ATXN7L1: variants seen among roughly 807,000 people sequenced by gnomAD.
ATXN7L1 encodes ataxin 7 like 1.
In ATXN7L1, 15 loss-of-function variants were observed where a neutral mutation model predicts 70.8. That is an observed-to-expected ratio of 0.21 (90% CI 0.14 to 0.33). ATXN7L1 has a LOEUF of 0.33. ATXN7L1 is among the 10% of genes least tolerant of loss of function. The pLI, the probability that ATXN7L1 is intolerant of heterozygous loss-of-function variation, is 1.00. For missense variants in ATXN7L1, 975 were observed against 1,097.1 expected (o/e 0.89, Z 1.57); for synonymous variants, 440 against 445.1 (o/e 0.99, Z 0.14).
intron 4 of ATXN7L1, among the ~76,000 whole-genome samples, chr7:105,647,397 C>T (rs1318323410): frequency 6.6e-6 from 1 of 152,194 alleles, no homozygotes; most frequent in African/African-American, 2.4e-5. Context: ...CCAGTAATCC[C>T]AGCACTTTGG....
intron 2 of ATXN7L1, among the ~76,000 whole-genome samples, chr7:105,851,143 A>G: frequency 6.6e-6 from 1 of 152,062 alleles, no homozygotes; most frequent in East Asian, 1.9e-4. Flanking sequence ...AGGCAATAAT[A>G]CCAGCTACCA....
chr7:105,617,900 C>T (rs994234425), intron 9 of ATXN7L1: 2 of 456,390 alleles, frequency 4.4e-6, no homozygotes, highest in Admixed American at 4.7e-5. Context: ...TTCCACGCCC[C>T]CATCGGCTGC....
chr7:105,694,566 A>G (rs1264114781), intron 3 of ATXN7L1, among the ~76,000 whole-genome samples: 1 of 152,212 alleles, frequency 6.6e-6, no homozygotes, highest in Non-Finnish European at 1.5e-5. Context: ...CACCCAGGAA[A>G]GCTTTCTGAT....
rs117129770 is a variant in ATXN7L1, at chr7:105,838,279, A to C, written c.250+37533T>G. Among the ~76,000 whole-genome samples, 795 of 152,266 alleles carry C rather than the reference A, an allele frequency of 5.2e-3. 20 individuals carry two copies. Among genetic ancestry groups the C allele is most frequent in the East Asian group, 0.032 (167 of 5,154 alleles). ...GAAAATCAGAAGGCTTCGGCTGAGC[A>C]TGCTGCCAGGAGCCGAAGACACTCG... On this transcript the variant is annotated intron_variant, in intron 2 of 11. Transcript: ENST00000419735.
intron 3 of ATXN7L1, among the ~76,000 whole-genome samples, chr7:105,711,516 T>C (rs1793911258): frequency 6.6e-6 from 1 of 152,158 alleles, no homozygotes; most frequent in Non-Finnish European, 1.5e-5. Flanking sequence ...ATGGGAGAAA[T>C]TGGCCAAAAC....
chr7:105,718,564 C>T (rs186755323), intron 3 of ATXN7L1, among the ~76,000 whole-genome samples: 38 of 152,262 alleles, frequency 2.5e-4, no homozygotes, highest in Non-Finnish European at 4.0e-4. Flanking sequence ...CACAGATAAC[C>T]CTGAAACCTC....
At chr7:105,633,934 G>A (rs984808113) in intron 7 of ATXN7L1, among the ~76,000 whole-genome samples, 1 of 152,146 alleles carries the variant, frequency 6.6e-6, no homozygotes, top group African/African-American at 2.4e-5. Flanking sequence ...GCTCGTGTGT[G>A]CACACACACC....
chr7:105,798,757 T>C (rs1253362951), intron 2 of ATXN7L1, among the ~76,000 whole-genome samples: 14 of 152,190 alleles, frequency 9.2e-5, no homozygotes, highest in Admixed American at 9.2e-4. Context: ...ATAGCTACCC[T>C]GAAGTATAAT....
chr7:105,770,967 C>T (rs1197257010), intron 3 of ATXN7L1, among the ~76,000 whole-genome samples: 6 of 151,840 alleles, frequency 4.0e-5, no homozygotes, highest in Non-Finnish European at 1.5e-5. Context: ...TTTGGGAGGC[C>T]GAGGCAGGCG....
chr7:105,825,704 T>C (rs1262999879), intron 2 of ATXN7L1, among the ~76,000 whole-genome samples: 1 of 152,048 alleles, frequency 6.6e-6, no homozygotes, highest in Non-Finnish European at 1.5e-5. Context: ...CACTTAGCCT[T>C]CATCTTTTAG....
intron 3 of ATXN7L1, among the ~76,000 whole-genome samples, chr7:105,738,548 T>C (rs989956661): frequency 6.6e-6 from 1 of 152,284 alleles, no homozygotes; most frequent in Non-Finnish European, 1.5e-5. Context: ...CTGATTTAAC[T>C]TGTAAAAGAA....
chr7:105,817,354 G>GT (rs1563117343), intron 2 of ATXN7L1, among the ~76,000 whole-genome samples: 2 of 152,104 alleles, frequency 1.3e-5, no homozygotes, highest in African/African-American at 4.8e-5. Flanking sequence ...TCTGTTGGTG[G>GT]TTTTTTCTTC....
intron 11 of ATXN7L1, among the ~76,000 whole-genome samples, chr7:105,610,067 G>T (rs1004092386): frequency 6.6e-6 from 1 of 152,174 alleles, no homozygotes; most frequent in Non-Finnish European, 1.5e-5. Flanking sequence ...CACCATGCCC[G>T]GCCGCAAGTC....
intron 2 of ATXN7L1, among the ~76,000 whole-genome samples, 175 bp downstream of exon 2, chr7:105,875,637 C>CCA (rs1324759578): frequency 1.9e-5 from 2 of 106,344 alleles, no homozygotes; most frequent in African/African-American, 2.8e-5. Context: ...ACCCCCCCCC[C>CCA]AGTTGTATTT....
chr7:105,829,159 C>T (rs753924096), intron 2 of ATXN7L1, among the ~76,000 whole-genome samples: 3 of 152,166 alleles, frequency 2.0e-5, no homozygotes, highest in Non-Finnish European at 4.4e-5. Context: ...CTGTGGCTCA[C>T]GCCTGTAATC....
At chr7:105,718,996 G>A (rs1584821152) in intron 3 of ATXN7L1, among the ~76,000 whole-genome samples, 1 of 152,254 alleles carries the variant, frequency 6.6e-6, no homozygotes, top group South Asian at 2.1e-4. Context: ...GGCCTGTTGT[G>A]TTTCCATGTT....
At chr7:105,780,220 A>G (rs1485858446) in intron 3 of ATXN7L1, among the ~76,000 whole-genome samples, 2 of 152,196 alleles carry the variant, frequency 1.3e-5, no homozygotes, top group East Asian at 3.8e-4. Flanking sequence ...TTAGGCTCCC[A>G]TGTGTAGCAC....
At chr7:105,618,058 G>A (rs967466173) in intron 9 of ATXN7L1, 6 of 456,616 alleles carry the variant, frequency 1.3e-5, no homozygotes, top group South Asian at 4.6e-5. Context: ...TCCTGAACAG[G>A]GGGGAGGGAC....
chr7:105,618,732 T>G (rs1367829355), intron 9 of ATXN7L1, among the ~76,000 whole-genome samples: 1 of 152,142 alleles, frequency 6.6e-6, no homozygotes, highest in Non-Finnish European at 1.5e-5. Context: ...GATCCATGAC[T>G]CCAATGGATG....
Sources: allele counts gnomAD v4.1 joint callset (sites outside exome capture counted in the v4.1 genomes callset), GRCh38; gene constraint gnomAD v4.1.1; transcripts MANE v1.5; gene names NCBI Gene and HGNC (gene_info 2026-07-23, HGNC 2026-07-21).